Variants in LYNX1 observed in about 807,000 individuals in gnomAD.
LYNX1 encodes Ly6/neurotoxin 1.
LYNX1 carries 8 observed loss-of-function variants against 8.3 expected under a neutral mutation model. That is an observed-to-expected ratio of 0.97 (90% CI 0.57 to 1.74). LYNX1 has a LOEUF of 1.74. Ranked by LOEUF, LYNX1 falls within the 40% of genes most tolerant of loss-of-function variation. The pLI is 0.00. For missense variants in LYNX1, 158 were observed against 159.7 expected (o/e 0.99, Z 0.06); for synonymous variants, 73 against 67.9 (o/e 1.08, Z -0.37).
chr8:142,776,989 T>C (rs1815450129), intron 1 of LYNX1, 117 bp downstream of exon 1: 1 of 151,966 alleles, frequency 6.6e-6, no homozygotes, highest in Non-Finnish European at 1.5e-5. Flanking sequence ...AAGGCCAGAG[T>C]CAGGCCTGCG....
rs763843306 is a variant in LYNX1 at position 142,775,326 on chromosome 8, G to A, written c.192C>T (p.Cys64=). ...ACACAGTCTCGAAGCAGCGGGGCAC[G>A]CAGGACTTACTGACCTTCATCCTGG... is the stretch of plus-strand genomic sequence containing the variant. The part of the protein sequence containing the change: ...TPTRMKVSKS[C]VPRCFETVYD... The change falls in exon 4 of 4, where the codon TGC becomes TGT. Residue 64 remains cysteine, a synonymous_variant. Transcript: ENST00000652477. 9.3e-6 allele frequency: 15 copies of A among 1,613,806 alleles called. No individual in the cohort carries two copies. The highest frequency in any genetic ancestry group is 3.3e-5 in the South Asian group (3 of 91,088).
At chr8:142,776,201 G>C in intron 1 of LYNX1, 80 bp from the exon 2 acceptor site, 1 of 559,926 alleles carries the variant, frequency 1.8e-6, no homozygotes. Flanking sequence ...ATGATGGTGG[G>C]CAGAGGGGCC....
intron 3 of LYNX1, 85 bp from the exon 4 acceptor site, chr8:142,775,448 G>A: frequency 1.3e-6 from 2 of 1,583,098 alleles, no homozygotes; most frequent in Non-Finnish European, 8.6e-7. Flanking sequence ...ACAGCCATCA[G>A]GGCAGGGCCC....
intron 3 of LYNX1, 66 bp downstream of exon 3, chr8:142,775,527 C>T: frequency 6.4e-7 from 1 of 1,555,006 alleles, no homozygotes; most frequent in Non-Finnish European, 8.7e-7. Flanking sequence ...CCCGCATGCT[C>T]AGGGGCAGGG....
chr8:142,774,434 C>T lies in LYNX1; in HGVS notation c.*733G>A. The T allele has an allele frequency of 1.0e-6, 1 of 985,876 alleles. No homozygotes were observed. The highest frequency in any genetic ancestry group is 1.2e-6 in the Non-Finnish European group (1 of 830,148). 61.1% of individuals were successfully genotyped at this position (985,876 alleles called of 1,614,324 possible). On this transcript the variant is annotated 3_prime_UTR_variant, in exon 4 of 4. Coordinates refer to ENST00000652477, the MANE Select transcript of LYNX1 (RefSeq NM_177477.4). ...AAATATAGCATGGCCCTAGCTCCTG[C>T]CAGCTTCAGGCCTGGTGCCCTCCCC... is the stretch of plus-strand genomic sequence containing the variant.
chr8:142,775,487 G>A (rs1237673913), intron 3 of LYNX1, 106 bp downstream of exon 3: 5 of 1,556,954 alleles, frequency 3.2e-6, no homozygotes, highest in African/African-American at 1.4e-5. Flanking sequence ...GACAGGATCC[G>A]GGAACAGGAG....
Position 142,775,321 on chromosome 8 carries a change from G to C in LYNX1, c.197C>G (p.Pro66Arg), listed in dbSNP as rs201126134. 6.2e-7 allele frequency: 1 copy of C among 1,613,978 alleles called. No homozygotes were observed. Among genetic ancestry groups the C allele is most frequent in the African/African-American group, 1.3e-5 (1 of 75,028 alleles). ...ATCATACACAGTCTCGAAGCAGCGG[G>C]GCACGCAGGACTTACTGACCTTCAT... ...TRMKVSKSCV[P>R]RCFETVYDGY... The change falls in exon 4 of 4, where the codon CCC (proline) becomes CGC (arginine). Residue 66 changes from proline to arginine, a missense_variant. Transcript: ENST00000652477.
chr8:142,776,779 C>T (rs1179816542), intron 1 of LYNX1: 1 of 152,300 alleles, frequency 6.6e-6, no homozygotes, highest in Admixed American at 6.5e-5. Flanking sequence ...CCGGCTGGGT[C>T]TGGTGTTTGG....
Position 142,772,143 on chromosome 8 carries a change from G to A in LYNX1, c.*3024C>T, listed in dbSNP as rs966568703. ...GAATGTATAACATCCTAGGGTGACA[G>A]AGCCCGCCCAAGCAGCCACTCCTGA... On this transcript the variant is annotated 3_prime_UTR_variant, in exon 4 of 4. Transcript: ENST00000652477. The A allele has an allele frequency of 9.1e-6, 9 of 986,148 alleles. No individual in the cohort carries two copies. Among genetic ancestry groups the A allele is most frequent in the African/African-American group, 3.5e-5 (2 of 57,242 alleles). 61.1% of individuals were successfully genotyped at this position (986,148 alleles called of 1,614,324 possible).
chr8:142,772,314 C>G lies in LYNX1; in HGVS notation c.*2853G>C, dbSNP rs587634914. The G allele has an allele frequency of 1.0e-6, 1 of 985,782 alleles. No homozygotes were observed. Among genetic ancestry groups the G allele is most frequent in the Admixed American group, 6.1e-5 (1 of 16,292 alleles). 61.1% of individuals were successfully genotyped at this position (985,782 alleles called of 1,614,324 possible). On this transcript the variant is annotated 3_prime_UTR_variant, in exon 4 of 4. Transcript: ENST00000652477. ...GGCCCCCATGGTGCCCAGTGCCTCT[C>G]CCCCTCTCCTCTGCCACTCTGCCCT...
Position 142,773,301 on chromosome 8 carries a change from A to G in LYNX1, c.*1866T>C, listed in dbSNP as rs938751400. ...TGGGAGGCACCTGGCAGCCTCCCAG[A>G]CACCCCGGGCCGGTCCTGCTCTCCA... On this transcript the variant is annotated 3_prime_UTR_variant, in exon 4 of 4. Transcript: ENST00000652477. The G allele has an allele frequency of 9.1e-6, 9 of 985,236 alleles. No homozygotes were observed. Among genetic ancestry groups the G allele is most frequent in the Non-Finnish European group, 1.1e-5 (9 of 829,962 alleles). 61.0% of individuals were successfully genotyped at this position (985,236 alleles called of 1,614,324 possible).
Position 142,774,247 on chromosome 8 carries a change from C to G in LYNX1, c.*920G>C. On this transcript the variant is annotated 3_prime_UTR_variant, in exon 4 of 4. Coordinates refer to ENST00000652477, the MANE Select transcript of LYNX1 (RefSeq NM_177477.4). ...AGGCCCGCGCCGGCCCCAGGCTGCT[C>G]CCAACCCCCAGCCTGTGCGCGCATC... The G allele has an allele frequency of 1.0e-6, 1 of 984,958 alleles. No homozygotes were observed. The highest frequency in any genetic ancestry group is 1.7e-5 in the African/African-American group (1 of 57,202). The allele number at this position is 984,958 out of a possible 1,614,324, so 61.0% of individuals were successfully genotyped here.
Position 142,774,146 on chromosome 8 carries a change from C to CCCGG in LYNX1, c.*1020_*1021insCCGG. On this transcript the variant is annotated 3_prime_UTR_variant, in exon 4 of 4. Coordinates refer to ENST00000652477, the MANE Select transcript of LYNX1 (RefSeq NM_177477.4). The stretch of plus-strand genomic sequence containing the variant: ...CTGCGGGGGAGGGGCTGGGTCTCCG[C>CCCGG]CCTCCCCACCCCACCCTCCCCACTC... The CCCGG allele has an allele frequency of 1.0e-6, 1 of 979,570 alleles. No individual in the cohort carries two copies. The highest frequency in any genetic ancestry group is 1.2e-6 in the Non-Finnish European group (1 of 825,682). The allele number at this position is 979,570 out of a possible 1,614,324, so 60.7% of individuals were successfully genotyped here.
chr8:142,774,705 G>A lies in LYNX1; in HGVS notation c.*462C>T, dbSNP rs202016277. On this transcript the variant is annotated 3_prime_UTR_variant, in exon 4 of 4. Transcript: ENST00000652477. The stretch of plus-strand genomic sequence containing the variant: ...GCAGCTCCTGGCCTCAGTAGGAAGC[G>A]TGACTAGGCCTGGAGGAGCCTTTCC... 85 of 1,000,246 alleles carry A rather than the reference G, an allele frequency of 8.5e-5. 2 individuals carry two copies. Among genetic ancestry groups the A allele is most frequent in the Admixed American group, 3.3e-4 (6 of 18,184 alleles). 62.0% of individuals were successfully genotyped at this position (1,000,246 alleles called of 1,614,324 possible). A position where few individuals can be genotyped will look rare whatever the true frequency, so the allele number is the denominator to read the frequency against.
In LYNX1 at chr8:142,773,614, G is replaced by T; in HGVS notation, c.*1553C>A. 1.0e-6 allele frequency: 1 copy of T among 985,500 alleles called. No homozygotes were observed. The highest frequency in any genetic ancestry group is 1.2e-6 in the Non-Finnish European group (1 of 830,024). 61.0% of individuals were successfully genotyped at this position (985,500 alleles called of 1,614,324 possible). A position where few individuals can be genotyped will look rare whatever the true frequency, so the allele number is the denominator to read the frequency against. On this transcript the variant is annotated 3_prime_UTR_variant, in exon 4 of 4. Coordinates refer to ENST00000652477, the MANE Select transcript of LYNX1 (RefSeq NM_177477.4). ...GCTGGGCACTCAGAACCAGCCCCAG[G>T]AGCAGAACGCAGGCCTGCATATAGA...
chr8:142,775,109 G>C lies in LYNX1; in HGVS notation c.*58C>G. On this transcript the variant is annotated 3_prime_UTR_variant, in exon 4 of 4. Coordinates refer to ENST00000652477, the MANE Select transcript of LYNX1 (RefSeq NM_177477.4). The stretch of plus-strand genomic sequence containing the variant: ...GGGTGAGGCAGGGTGAGCTGGGTGC[G>C]AGGGTGTAGCAGTGTGTCTCGAGAG... 16 of 1,561,748 alleles carry C rather than the reference G, an allele frequency of 1.0e-5. No homozygotes were observed. Among genetic ancestry groups the C allele is most frequent in the Non-Finnish European group, 1.4e-5 (16 of 1,156,330 alleles).
upstream of LYNX1, chr8:142,777,852 C>A (rs1815490528): frequency 2.5e-6 from 1 of 398,774 alleles, no homozygotes; most frequent in Non-Finnish European, 4.4e-6. Flanking sequence ...GCCCGCGCCG[C>A]GTCGTTTGTC....
upstream of LYNX1, among the ~76,000 whole-genome samples, chr8:142,777,483 AC>A (rs1261380895): frequency 9.2e-6 from 1 of 109,248 alleles, no homozygotes; most frequent in Non-Finnish European, 1.9e-5. Flanking sequence ...CCCGCCCCGG[AC>A]CCGCCTCCTG....
Position 142,774,217 on chromosome 8 carries a change from C to T in LYNX1, c.*950G>A, listed in dbSNP as rs922182813. On this transcript the variant is annotated 3_prime_UTR_variant, in exon 4 of 4. Transcript: ENST00000652477. ...GAGGGTGGCATGCTCCGCCTTCCCA[C>T]GCCCAGGCCCGCGCCGGCCCCAGGC... 147 of 984,758 alleles carry T rather than the reference C, an allele frequency of 1.5e-4. No homozygotes were observed. The African/African-American group carries it at 1.6e-3, about 11-fold the overall frequency. 61.0% of individuals were successfully genotyped at this position (984,758 alleles called of 1,614,324 possible). A position where few individuals can be genotyped will look rare whatever the true frequency, so the allele number is the denominator to read the frequency against.
Sources: gnomAD v4.1 joint callset for allele counts (sites outside exome capture counted in the v4.1 genomes callset) on GRCh38, gnomAD v4.1.1 for gene constraint, MANE v1.5 for transcripts, NCBI Gene and HGNC (gene_info 2026-07-23, HGNC 2026-07-21) for gene names.